KDM4C: variants seen among roughly 807,000 people sequenced by gnomAD.
The protein encoded by KDM4C is lysine demethylase 4C, also known as lysine-specific demethylase 4C.
In KDM4C, 81 loss-of-function variants were observed where a neutral mutation model predicts 129.3. The observed-to-expected ratio is 0.63, with a 90% CI of 0.52 to 0.75. The LOEUF is 0.75. Ranked by LOEUF, KDM4C falls within the 30% of genes least tolerant of loss-of-function variation. The pLI, the probability that KDM4C is intolerant of heterozygous loss-of-function variation, is 0.00. For missense variants in KDM4C, 1,457 were observed against 1,304.0 expected (o/e 1.12, Z -1.81); for synonymous variants, 573 against 456.1 (o/e 1.26, Z -3.26).
intron 8 of KDM4C, among the ~76,000 whole-genome samples, chr9:6,959,383 A>G (rs1276564038): frequency 6.6e-6 from 1 of 152,186 alleles, no homozygotes; most frequent in Non-Finnish European, 1.5e-5. Context: ...AGACTGTGGT[A>G]CCTGTCAGAG....
At chr9:6,910,407 A>T (rs1819077045) in intron 8 of KDM4C, among the ~76,000 whole-genome samples, 1 of 152,200 alleles carries the variant, frequency 6.6e-6, no homozygotes, top group African/African-American at 2.4e-5. Context: ...TATTAGAGAA[A>T]ATTAAAGCAC....
chr9:7,046,980 G>C, intron 16 of KDM4C, 63 bp downstream of exon 16: 4 of 1,190,944 alleles, frequency 3.4e-6, no homozygotes, highest in Non-Finnish European at 5.0e-6. Context: ...AGAACCTTTG[G>C]ATGACAGTTC....
In KDM4C at chr9:6,794,060, T is replaced by C. The variant is rs180904010; in HGVS notation, c.144+928T>C. ...ATTCCCTGCTATCACCCCCAGCCCATAGGCAACCACAAACTGACTTATTCT... is the reference window on the plus strand; with the variant it reads ...ATTCCCTGCTATCACCCCCAGCCCACAGGCAACCACAAACTGACTTATTCT... On this transcript the variant is annotated intron_variant, in intron 2 of 21. Coordinates refer to ENST00000381309, the MANE Select transcript of KDM4C (RefSeq NM_015061.6). Among the ~76,000 whole-genome samples, 4 of 152,308 alleles carry C rather than the reference T, an allele frequency of 2.6e-5. No homozygotes were observed. The East Asian group carries it at 7.7e-4, about 29-fold the overall frequency.
chr9:6,952,855 G>C (rs1299874789), intron 8 of KDM4C, among the ~76,000 whole-genome samples: 1 of 152,180 alleles, frequency 6.6e-6, no homozygotes, highest in Non-Finnish European at 1.5e-5. Context: ...ATAAGTGGTT[G>C]TTATTTTCTT....
chr9:7,072,787 T>C (rs971437077), intron 17 of KDM4C, among the ~76,000 whole-genome samples: 1 of 152,216 alleles, frequency 6.6e-6, no homozygotes, highest in African/African-American at 2.4e-5. Context: ...GAAAATTAAA[T>C]ATAAAACCCT....
chr9:6,998,735 G>T (rs994705151), intron 12 of KDM4C, among the ~76,000 whole-genome samples: 1 of 152,190 alleles, frequency 6.6e-6, no homozygotes, highest in African/African-American at 2.4e-5. Context: ...GGTGGAGGCT[G>T]CAGTGCGCTG....
At chr9:7,039,951 A>G (rs574296051) in intron 15 of KDM4C, among the ~76,000 whole-genome samples, 213 of 152,122 alleles carry the variant, frequency 1.4e-3, no homozygotes, top group African/African-American at 4.9e-3. Flanking sequence ...TAATTCCACT[A>G]CTAATTTTTG....
intron 4 of KDM4C, among the ~76,000 whole-genome samples, chr9:6,832,030 A>G (rs1466965216): frequency 6.6e-6 from 1 of 152,152 alleles, no homozygotes; most frequent in Non-Finnish European, 1.5e-5. Flanking sequence ...ATACTGTATT[A>G]TATACAGTTT....
chr9:7,064,073 C>T lies in KDM4C; in HGVS notation c.2424+14873C>T, dbSNP rs73639962. 2.0e-3 allele frequency among the ~76,000 whole-genome samples: 309 copies of T among 152,278 alleles called. 3 individuals carry two copies. Among genetic ancestry groups the T allele is most frequent in the African/African-American group, 7.2e-3 (298 of 41,560 alleles). On this transcript the variant is annotated intron_variant, in intron 17 of 21. Transcript: ENST00000381309. ...CAAATTGTATTTAACTTTAAATTTGCTATGTGTAAAATCTGAAGCAGCTAC... is the reference window on the plus strand; with the variant it reads ...CAAATTGTATTTAACTTTAAATTTGTTATGTGTAAAATCTGAAGCAGCTAC...
chr9:6,972,712 G>T (rs752305676), intron 8 of KDM4C, among the ~76,000 whole-genome samples: 2 of 152,138 alleles, frequency 1.3e-5, no homozygotes, highest in African/African-American at 4.8e-5. Flanking sequence ...AACAGTCATG[G>T]GAGTTAGTTC....
intron 17 of KDM4C, among the ~76,000 whole-genome samples, chr9:7,055,511 A>G (rs536280665): frequency 3.3e-5 from 5 of 152,344 alleles, no homozygotes; most frequent in Admixed American, 2.6e-4. Flanking sequence ...GGCTGAGACC[A>G]TACTATTCTG....
chr9:7,052,808 T>C (rs1830326617), intron 17 of KDM4C, among the ~76,000 whole-genome samples: 1 of 147,798 alleles, frequency 6.8e-6, no homozygotes, highest in Non-Finnish European at 1.5e-5. Flanking sequence ...CTTATGTTGC[T>C]CTTAAACTAC....
intron 1 of KDM4C, among the ~76,000 whole-genome samples, chr9:6,743,066 A>C (rs1817754141): frequency 6.6e-6 from 1 of 152,132 alleles, no homozygotes; most frequent in Non-Finnish European, 1.5e-5. Flanking sequence ...TCAATCAGCA[A>C]ACATAAGTGT....
intron 15 of KDM4C, among the ~76,000 whole-genome samples, chr9:7,020,431 T>C (rs976189381): frequency 2.0e-5 from 3 of 152,260 alleles, no homozygotes; most frequent in Non-Finnish European, 4.4e-5. Flanking sequence ...TTATGGCTTA[T>C]AAATCAGCTT....
At chr9:6,848,733 C>G (rs62535663) in intron 4 of KDM4C, among the ~76,000 whole-genome samples, 11,431 of 152,158 alleles carry the variant, frequency 0.075, 615 homozygotes, top group Non-Finnish European at 0.11. Flanking sequence ...CACCTTAACT[C>G]TTATAGTAGT....
chr9:7,067,902 T>C (rs1306843449), intron 17 of KDM4C, among the ~76,000 whole-genome samples: 1 of 152,138 alleles, frequency 6.6e-6, no homozygotes, highest in African/African-American at 2.4e-5. Context: ...TTCATGCCAT[T>C]CTGCTGCCTC....
chr9:6,737,442 C>A (rs1817558581), intron 1 of KDM4C, among the ~76,000 whole-genome samples: 1 of 151,526 alleles, frequency 6.6e-6, no homozygotes, highest in Non-Finnish European at 1.5e-5. Context: ...AGATGGATCA[C>A]CTGAGGTCAG....
At chr9:6,797,677 C>T (rs1462697640) in intron 2 of KDM4C, among the ~76,000 whole-genome samples, 2 of 152,184 alleles carry the variant, frequency 1.3e-5, no homozygotes, top group Non-Finnish European at 1.5e-5. Flanking sequence ...GTTTTATGAA[C>T]AGCCTAGAGA....
At chr9:6,755,049 C>T (rs138623044), upstream of KDM4C, among the ~76,000 whole-genome samples, 361 of 151,730 alleles carry the variant, frequency 2.4e-3, 1 homozygote, top group African/African-American at 8.5e-3. Flanking sequence ...ACCCGCCTGG[C>T]CAATGTGGCG....
Sources: gnomAD v4.1 joint callset for allele counts (sites outside exome capture counted in the v4.1 genomes callset) on GRCh38, gnomAD v4.1.1 for gene constraint, MANE v1.5 for transcripts, NCBI Gene and HGNC (gene_info 2026-07-23, HGNC 2026-07-21) for gene names.